FAF1: variants seen among roughly 807,000 people sequenced by gnomAD.
FAF1 encodes the protein FAS-associated factor 1.
A neutral mutation model predicts 92.5 loss-of-function variants in FAF1; 25 were observed. That is an observed-to-expected ratio of 0.27 (90% confidence interval 0.20 to 0.38). FAF1 has a LOEUF of 0.38. Ranked by LOEUF, FAF1 falls within the 10% of genes least tolerant of loss-of-function variation. FAF1 has a pLI of 1.00. For missense variants in FAF1, 636 were observed against 793.3 expected, an observed-to-expected ratio of 0.80 and a Z score of 2.38; for synonymous variants, 234 against 273.2, an observed-to-expected ratio of 0.86 and a Z score of 1.42.
chr1:50,949,384 G>A (rs1008337355), intron 1 of FAF1, among the ~76,000 whole-genome samples: 1 of 152,254 alleles, frequency 6.6e-6, no homozygotes, highest in Non-Finnish European at 1.5e-5. Context: ...GTGCATTATA[G>A]AATGTGTAGC....
chr1:50,787,762 A>G (rs1029764900), intron 4 of FAF1, among the ~76,000 whole-genome samples: 2 of 152,182 alleles, frequency 1.3e-5, no homozygotes, highest in African/African-American at 4.8e-5. Context: ...CATCAGCCCT[A>G]AAACAGCATT....
intron 13 of FAF1, among the ~76,000 whole-genome samples, chr1:50,564,975 T>C (rs1465516146): frequency 1.3e-5 from 2 of 152,050 alleles, no homozygotes; most frequent in East Asian, 3.8e-4. Context: ...TATTACTTGC[T>C]TTTTAATTTT....
intron 7 of FAF1, among the ~76,000 whole-genome samples, chr1:50,662,716 G>A (rs12727728): frequency 0.071 from 7,040 of 98,466 alleles, 298 homozygotes; most frequent in Non-Finnish European, 0.097. Context: ...TTTTTTTTGA[G>A]ACGGAGTCTC....
chr1:50,911,757 G>A (rs768512900), intron 1 of FAF1, among the ~76,000 whole-genome samples: 28 of 151,972 alleles, frequency 1.8e-4, no homozygotes, highest in Admixed American at 6.5e-4. Flanking sequence ...CTTGGGCCAG[G>A]CATGGTGCCT....
chr1:50,590,170 A>T (rs777831746), intron 9 of FAF1, among the ~76,000 whole-genome samples: 2 of 152,160 alleles, frequency 1.3e-5, no homozygotes, highest in Admixed American at 1.3e-4. Context: ...ATTCCATATG[A>T]ATTTTTGGAT....
At chr1:50,658,728 G>A (rs564186564) in intron 7 of FAF1, among the ~76,000 whole-genome samples, 13 of 152,334 alleles carry the variant, frequency 8.5e-5, no homozygotes, top group Non-Finnish European at 1.6e-4. Context: ...GACAGAACTT[G>A]GCTGAGAGAG....
At chr1:50,749,612 A>C (rs1266281271) in intron 4 of FAF1, among the ~76,000 whole-genome samples, 1 of 152,110 alleles carries the variant, frequency 6.6e-6, no homozygotes, top group Non-Finnish European at 1.5e-5. Flanking sequence ...ACAGCAAGAC[A>C]CCACCACTGC....
intron 13 of FAF1, among the ~76,000 whole-genome samples, chr1:50,542,171 A>G (rs541085256): frequency 2.8e-4 from 43 of 152,328 alleles, no homozygotes; most frequent in African/African-American, 1.0e-3. Flanking sequence ...AGAGAGACTT[A>G]AAATTTTAAT....
intron 6 of FAF1, among the ~76,000 whole-genome samples, chr1:50,721,742 G>T (rs966844217): frequency 1.4e-4 from 22 of 152,066 alleles, no homozygotes; most frequent in African/African-American, 5.3e-4. Context: ...TTCCATCTCA[G>T]CCTCCCAAGT....
At chr1:50,943,066 G>A (rs921752316) in intron 1 of FAF1, among the ~76,000 whole-genome samples, 1 of 152,102 alleles carries the variant, frequency 6.6e-6, no homozygotes, top group Non-Finnish European at 1.5e-5. Context: ...AGAAACATAC[G>A]AGACATAGAG....
At chr1:50,471,980 G>C (rs1646578516) in intron 18 of FAF1, among the ~76,000 whole-genome samples, 1 of 152,162 alleles carries the variant, frequency 6.6e-6, no homozygotes, top group Non-Finnish European at 1.5e-5. Flanking sequence ...GAAAAGGAAA[G>C]AGGAGAGAAA....
At chr1:50,897,678 T>C (rs991578079) in intron 1 of FAF1, among the ~76,000 whole-genome samples, 1 of 152,198 alleles carries the variant, frequency 6.6e-6, no homozygotes, top group Non-Finnish European at 1.5e-5. Context: ...GACTGTGGTA[T>C]TGAACCCAAT....
rs143906211 is a variant in FAF1 at position 50,791,831 on chromosome 1, A to G, written c.162-3626T>C. On this transcript the variant is annotated intron_variant, in intron 3 of 18. Transcript: ENST00000396153. Reference sequence around the variant, plus strand: ...ATCCTACCTTAAATTTCCTCTGCTGAAATATCTAGCATGTTTCATTTTCCT... The same window carrying G: ...ATCCTACCTTAAATTTCCTCTGCTGGAATATCTAGCATGTTTCATTTTCCT... Among the ~76,000 whole-genome samples the G allele has an allele frequency of 2.8e-4, 43 of 152,318 alleles. No homozygotes were observed. The East Asian group carries it at 7.5e-3, about 27-fold the overall frequency.
intron 1 of FAF1, among the ~76,000 whole-genome samples, chr1:50,893,100 A>G (rs1484296810): frequency 6.6e-6 from 1 of 152,016 alleles, no homozygotes; most frequent in Non-Finnish European, 1.5e-5. Flanking sequence ...ATTATCTTGA[A>G]TTTCTTTGAG....
chr1:50,927,889 T>C (rs1262230468), intron 1 of FAF1, among the ~76,000 whole-genome samples: 2 of 152,212 alleles, frequency 1.3e-5, no homozygotes, highest in East Asian at 3.8e-4. Context: ...CTTTTTCTTT[T>C]TTCTACTCGT....
intron 8 of FAF1, among the ~76,000 whole-genome samples, chr1:50,622,224 A>G (rs1653250381): frequency 6.6e-6 from 1 of 152,052 alleles, no homozygotes; most frequent in Non-Finnish European, 1.5e-5. Context: ...TCACATGTCC[A>G]TGGAGGATAA....
intron 6 of FAF1, among the ~76,000 whole-genome samples, chr1:50,713,545 A>G (rs1658037868): frequency 6.6e-6 from 1 of 152,028 alleles, no homozygotes; most frequent in African/African-American, 2.4e-5. Flanking sequence ...CAGTGCTGGG[A>G]TTATAGGCAT....
intron 3 of FAF1, among the ~76,000 whole-genome samples, chr1:50,790,947 T>C (rs2124577768): frequency 6.6e-6 from 1 of 152,284 alleles, no homozygotes; most frequent in South Asian, 2.1e-4. Context: ...CCAACTATTG[T>C]TCCATAAAAC....
chr1:50,449,709 C>T (rs1161820347), intron 18 of FAF1, among the ~76,000 whole-genome samples: 3 of 151,024 alleles, frequency 2.0e-5, no homozygotes, highest in Admixed American at 6.6e-5. Flanking sequence ...AGGATGGTCT[C>T]GATCTCTTGA....
Sources: allele counts gnomAD v4.1 joint callset (sites outside exome capture counted in the v4.1 genomes callset), GRCh38; gene constraint gnomAD v4.1.1; transcripts MANE v1.5; gene names NCBI Gene and HGNC (gene_info 2026-07-23, HGNC 2026-07-21).